Variants in DACH1 observed in about 807,000 individuals in gnomAD.
The protein encoded by DACH1 is dachshund family transcription factor 1.
DACH1 carries 12 observed loss-of-function variants against 54.2 expected under a neutral mutation model. The ratio of observed to expected loss-of-function variants is 0.22; its 90% CI spans 0.14 to 0.36. The LOEUF is 0.36. Among genes scored for constraint, DACH1 ranks in the 10% least tolerant of loss-of-function variants. DACH1 has a pLI of 1.00. For missense variants in DACH1, 805 were observed against 929.8 expected (o/e 0.87, Z 1.75); for synonymous variants, 386 against 366.2 (o/e 1.05, Z -0.62).
intron 2 of DACH1, chr13:71,675,294 G>A (rs1317488746): frequency 4.4e-6 from 7 of 1,603,920 alleles, no homozygotes; most frequent in Non-Finnish European, 6.0e-6. Context: ...AAATTGCTCA[G>A]TACTTTAAAA....
intron 10 of DACH1, 130 bp downstream of exon 10, chr13:71,475,011 T>A: frequency 1.4e-6 from 1 of 730,910 alleles, no homozygotes; most frequent in Non-Finnish European, 2.3e-6. Flanking sequence ...ACAAGCAAGA[T>A]GAACTTGACC....
intron 1 of DACH1, among the ~76,000 whole-genome samples, chr13:71,719,866 T>C (rs895418257): frequency 3.9e-4 from 59 of 152,158 alleles, no homozygotes; most frequent in African/African-American, 1.4e-3. Context: ...CTCTGTCAAA[T>C]AAATAAATAA....
rs550218340 is a variant in DACH1, at chr13:71,810,624, A to C, written c.848+55298T>G. ...TGAATACTATGAATTTGTGTGTAGAAAAGTCTGTAGAAATGGTAAAGAAAA... is the reference window on the plus strand; with the variant it reads ...TGAATACTATGAATTTGTGTGTAGACAAGTCTGTAGAAATGGTAAAGAAAA... On this transcript the variant is annotated intron_variant, in intron 1 of 10. Transcript: ENST00000613252. 2.6e-5 allele frequency among the ~76,000 whole-genome samples: 4 copies of C among 152,304 alleles called. No homozygotes were observed. The East Asian group carries it at 7.7e-4, about 29-fold the overall frequency.
At chr13:71,713,232 T>C (rs564603554) in intron 1 of DACH1, among the ~76,000 whole-genome samples, 2 of 152,188 alleles carry the variant, frequency 1.3e-5, no homozygotes, top group African/African-American at 4.8e-5. Flanking sequence ...CAAGGGCTGC[T>C]AAAGCAATCA....
At chr13:71,676,610 G>A (rs1045457576) in intron 2 of DACH1, among the ~76,000 whole-genome samples, 11 of 152,232 alleles carry the variant, frequency 7.2e-5, no homozygotes, top group African/African-American at 2.6e-4. Flanking sequence ...AAAAGAGGTT[G>A]TTTAGATATT....
intron 1 of DACH1, among the ~76,000 whole-genome samples, chr13:71,766,035 C>T (rs1035915597): frequency 6.6e-6 from 1 of 151,918 alleles, no homozygotes; most frequent in East Asian, 1.9e-4. Flanking sequence ...AACAGGCGCC[C>T]GCCACCACGT....
At chr13:71,573,614 T>A (rs1014215720) in intron 3 of DACH1, 1 of 455,646 alleles carries the variant, frequency 2.2e-6, no homozygotes, top group African/African-American at 2.0e-5. Flanking sequence ...ATAATATTAT[T>A]CCAAATCTTC....
At chr13:71,545,085 C>G (rs1334953350) in intron 6 of DACH1, among the ~76,000 whole-genome samples, 1 of 152,072 alleles carries the variant, frequency 6.6e-6, no homozygotes, top group Admixed American at 6.6e-5. Flanking sequence ...ACAGATGGAA[C>G]AGTTTTGCTA....
At chr13:71,682,139 C>A (rs550967989) in intron 1 of DACH1, among the ~76,000 whole-genome samples, 44 of 152,326 alleles carry the variant, frequency 2.9e-4, no homozygotes, top group Middle Eastern at 3.4e-3. Context: ...CACCTCGTTA[C>A]CTGCTTCTTC....
chr13:71,748,783 T>A (rs1884721004), intron 1 of DACH1, among the ~76,000 whole-genome samples: 1 of 152,170 alleles, frequency 6.6e-6, no homozygotes, highest in African/African-American at 2.4e-5. Flanking sequence ...TCATCTTTCA[T>A]AACATGATTA....
chr13:71,861,658 A>G (rs1376102628), intron 1 of DACH1, among the ~76,000 whole-genome samples: 1 of 151,976 alleles, frequency 6.6e-6, no homozygotes, highest in African/African-American at 2.4e-5. Flanking sequence ...AAAATGAGAC[A>G]TTAGGCGTTA....
intron 1 of DACH1, among the ~76,000 whole-genome samples, chr13:71,849,121 AT>A (rs77227513): frequency 0.094 from 14,285 of 152,216 alleles, 1,387 homozygotes; most frequent in East Asian, 0.56. Context: ...ACATAATGAT[AT>A]TTTTGTGGGA....
intron 2 of DACH1, among the ~76,000 whole-genome samples, chr13:71,678,262 T>C (rs905536168): frequency 6.6e-6 from 1 of 152,196 alleles, no homozygotes; most frequent in African/African-American, 2.4e-5. Context: ...ATATACTTCT[T>C]GAGAATTATA....
At chr13:71,773,379 G>T (rs1885938181) in intron 1 of DACH1, among the ~76,000 whole-genome samples, 1 of 151,866 alleles carries the variant, frequency 6.6e-6, no homozygotes, top group African/African-American at 2.4e-5. Flanking sequence ...TTTGAGATCT[G>T]TGAATGTAAG....
intron 1 of DACH1, among the ~76,000 whole-genome samples, chr13:71,860,152 C>T (rs1281401491): frequency 2.6e-5 from 4 of 151,346 alleles, no homozygotes; most frequent in Non-Finnish European, 4.4e-5. Context: ...CTAGAATATT[C>T]AAACTACATA....
At chr13:71,633,537 C>T (rs986374150) in intron 2 of DACH1, among the ~76,000 whole-genome samples, 2 of 151,962 alleles carry the variant, frequency 1.3e-5, no homozygotes, top group Non-Finnish European at 2.9e-5. Flanking sequence ...CTTTATTTTT[C>T]TATGACAGCT....
At chr13:71,587,197 T>G (rs1252921133) in intron 3 of DACH1, among the ~76,000 whole-genome samples, 1 of 152,094 alleles carries the variant, frequency 6.6e-6, no homozygotes, top group Non-Finnish European at 1.5e-5. Context: ...TAGATGAATT[T>G]TAGGTTTGCT....
At chr13:71,532,706 A>G (rs1412172300) in intron 6 of DACH1, among the ~76,000 whole-genome samples, 1 of 151,984 alleles carries the variant, frequency 6.6e-6, no homozygotes, top group African/African-American at 2.4e-5. Context: ...GATTTAGGAA[A>G]AAAATGCTTC....
At chr13:71,683,898 G>C (rs1277108066) in intron 1 of DACH1, among the ~76,000 whole-genome samples, 1 of 151,976 alleles carries the variant, frequency 6.6e-6, no homozygotes, top group African/African-American at 2.4e-5. Context: ...TCTCTGCTCG[G>C]ATGTTCTATA....
Sources: gnomAD v4.1 joint callset for allele counts (sites outside exome capture counted in the v4.1 genomes callset) on GRCh38, gnomAD v4.1.1 for gene constraint, MANE v1.5 for transcripts, NCBI Gene and HGNC (gene_info 2026-07-23, HGNC 2026-07-21) for gene names.